PDE3B: variants seen among roughly 807,000 people sequenced by gnomAD.
PDE3B encodes the protein phosphodiesterase 3B, also known as cGMP-inhibited 3',5'-cyclic phosphodiesterase 3B.
In PDE3B, 66 loss-of-function variants were observed where a neutral mutation model predicts 116.8. That is an observed-to-expected ratio of 0.56 (90% CI 0.46 to 0.69). PDE3B has a LOEUF of 0.69. PDE3B is among the 30% of genes least tolerant of loss of function. The pLI, the probability that PDE3B is intolerant of heterozygous loss-of-function variation, is 0.00. For synonymous variants in PDE3B, 595 were observed against 533.6 expected (o/e 1.12, Z -1.59); for missense variants, 1,384 against 1,368.1 (o/e 1.01, Z -0.18).
rs573257542 is a variant in PDE3B at position 14,664,150 on chromosome 11, C to G, written c.978+19097C>G. On this transcript the variant is annotated intron_variant, in intron 1 of 15. Coordinates refer to ENST00000282096, the MANE Select transcript of PDE3B (RefSeq NM_000922.4). ...CTCAACTATATGGAAACTGAACAAC[C>G]TGCTCCTGAACGACTACTGGGTAAA... 3.3e-5 allele frequency among the ~76,000 whole-genome samples: 5 copies of G among 152,228 alleles called. No homozygotes were observed. The South Asian group carries it at 8.3e-4, about 25-fold the overall frequency.
rs771321012 is a variant in PDE3B, at chr11:14,786,547, A to C, written c.1140A>C (p.Leu380=). The C allele has an allele frequency of 1.9e-5, 31 of 1,613,148 alleles. No individual in the cohort carries two copies. The highest frequency in any genetic ancestry group is 2.5e-5 in the Non-Finnish European group (30 of 1,179,448). ...TTCCACCACAAGTCATTTCCTCTCTACGGAGTATTAGTAGCTTAATGGGTG... is the reference window on the plus strand; with the variant it reads ...TTCCACCACAAGTCATTTCCTCTCTCCGGAGTATTAGTAGCTTAATGGGTG... The part of the protein sequence containing the change: ...PSLPPQVISS[L]RSISSLMGAF... The change falls in exon 3 of 16, where the codon CTA becomes CTC. Residue 380 remains leucine (L), a synonymous_variant. Transcript: ENST00000282096.
intron 1 of PDE3B, among the ~76,000 whole-genome samples, chr11:14,694,339 C>A (rs1268468181): frequency 2.0e-5 from 3 of 152,128 alleles, no homozygotes; most frequent in African/African-American, 7.2e-5. Context: ...GCATTGGATG[C>A]TCCAGAGAAG....
At chr11:14,665,926 A>C (rs914756792) in intron 1 of PDE3B, among the ~76,000 whole-genome samples, 5 of 152,214 alleles carry the variant, frequency 3.3e-5, no homozygotes, top group Non-Finnish European at 5.9e-5. Flanking sequence ...GAATTGGAAA[A>C]AGCTACTTTA....
intron 12 of PDE3B, among the ~76,000 whole-genome samples, chr11:14,851,056 C>G (rs1847739570): frequency 6.7e-6 from 1 of 150,150 alleles, no homozygotes; most frequent in Non-Finnish European, 1.5e-5. Context: ...ATCTCTTGAC[C>G]TCGTGATCCG....
the PDE3B span, among the ~76,000 whole-genome samples, chr11:14,882,638 C>A: frequency 1.3e-5 from 2 of 152,022 alleles, no homozygotes; most frequent in Non-Finnish European, 2.9e-5. Flanking sequence ...GTACATAGTA[C>A]CTTAAAACAA....
At chr11:14,781,377 G>C (rs1590139001) in intron 2 of PDE3B, among the ~76,000 whole-genome samples, 1 of 151,946 alleles carries the variant, frequency 6.6e-6, no homozygotes, top group African/African-American at 2.4e-5. Context: ...TTTTAGACCA[G>C]TATCCCTGAT....
At chr11:14,836,571 G>A (rs956907635) in intron 11 of PDE3B, among the ~76,000 whole-genome samples, 1 of 152,048 alleles carries the variant, frequency 6.6e-6, no homozygotes, top group Non-Finnish European at 1.5e-5. Flanking sequence ...TCACTTCTAG[G>A]TGCCAAAAGT....
In PDE3B at chr11:14,754,764, AC is replaced by A. The variant is rs1857141374; in HGVS notation, c.979-17172del. ...TTTTAAAACAAACAAACAAACAAAA[AC>A]AGCTATTTTTAGGTCTCTTCATCCT... On this transcript the variant is annotated intron_variant, in intron 1 of 15. Coordinates refer to ENST00000282096, the MANE Select transcript of PDE3B (RefSeq NM_000922.4). 2.0e-5 allele frequency among the ~76,000 whole-genome samples: 3 copies of A among 152,036 alleles called. No individual in the cohort carries two copies. In the South Asian group the frequency reaches 6.2e-4, roughly 32 times the overall value.
chr11:14,712,887 G>C (rs1320601518), intron 1 of PDE3B, among the ~76,000 whole-genome samples: 1 of 152,196 alleles, frequency 6.6e-6, no homozygotes, highest in Admixed American at 6.5e-5. Context: ...GTCAGATTTA[G>C]ATAATGCCTT....
the PDE3B span, among the ~76,000 whole-genome samples, chr11:14,893,223 T>C: frequency 6.6e-6 from 1 of 152,202 alleles, no homozygotes; most frequent in Non-Finnish European, 1.5e-5. Flanking sequence ...TACATTCTTA[T>C]GAGAGGGAAG....
chr11:14,780,849 A>T (rs892395986), intron 2 of PDE3B, among the ~76,000 whole-genome samples: 2 of 152,178 alleles, frequency 1.3e-5, no homozygotes, highest in African/African-American at 4.8e-5. Context: ...GACACAAAAA[A>T]CCCTTCAAAA....
At chr11:14,713,910 A>G (rs1291444223) in intron 1 of PDE3B, among the ~76,000 whole-genome samples, 2 of 152,194 alleles carry the variant, frequency 1.3e-5, no homozygotes, top group Admixed American at 6.5e-5. Flanking sequence ...TATGTGATGG[A>G]AGCAGTCTCA....
At chr11:14,667,972 T>C (rs968477978) in intron 1 of PDE3B, among the ~76,000 whole-genome samples, 2 of 151,512 alleles carry the variant, frequency 1.3e-5, no homozygotes, top group Non-Finnish European at 2.9e-5. Flanking sequence ...AGTATTTAAA[T>C]AATTTTCAGA....
chr11:14,663,250 G>A (rs1030964171), intron 1 of PDE3B, among the ~76,000 whole-genome samples: 40 of 152,068 alleles, frequency 2.6e-4, no homozygotes, highest in African/African-American at 9.7e-4. Context: ...TTACAGACAA[G>A]CAAATGCTGA....
intron 1 of PDE3B, among the ~76,000 whole-genome samples, chr11:14,731,348 T>A (rs1856454089): frequency 6.6e-6 from 1 of 150,970 alleles, no homozygotes; most frequent in South Asian, 2.1e-4. Context: ...AAGTTCCGCG[T>A]CCCGAGTTCA....
At chr11:14,823,118 C>T (rs529647446) in intron 7 of PDE3B, among the ~76,000 whole-genome samples, 16 of 152,248 alleles carry the variant, frequency 1.1e-4, no homozygotes, top group African/African-American at 3.9e-4. Context: ...AGATAGTGCT[C>T]CCGGGGGAGG....
intron 1 of PDE3B, among the ~76,000 whole-genome samples, chr11:14,671,301 G>A (rs1334000246): frequency 1.3e-5 from 2 of 152,096 alleles, no homozygotes; most frequent in Non-Finnish European, 2.9e-5. Flanking sequence ...CTCTGAAGAG[G>A]TGACATTTTA....
chr11:14,737,266 T>C, intron 1 of PDE3B, among the ~76,000 whole-genome samples: 1 of 151,260 alleles, frequency 6.6e-6, no homozygotes, highest in East Asian at 2.0e-4. Flanking sequence ...CAATCTTGGC[T>C]CACTGCAATC....
chr11:14,878,296 T>C, the PDE3B span: 1 of 1,612,728 alleles, frequency 6.2e-7, no homozygotes, highest in East Asian at 2.2e-5. Flanking sequence ...AATGTCTTCT[T>C]CCTAAACAGA....
Sources: gnomAD v4.1 joint callset for allele counts (sites outside exome capture counted in the v4.1 genomes callset) on GRCh38, gnomAD v4.1.1 for gene constraint, MANE v1.5 for transcripts, NCBI Gene and HGNC (gene_info 2026-07-23, HGNC 2026-07-21) for gene names.